Variants in MIA2 observed in about 807,000 individuals in gnomAD.
MIA2 encodes melanoma inhibitory activity protein 2.
MIA2 carries 127 observed loss-of-function variants against 167.8 expected under a neutral mutation model. The ratio of observed to expected loss-of-function variants is 0.76; its 90% confidence interval spans 0.66 to 0.88. The LOEUF (loss-of-function observed/expected upper bound fraction) is 0.88, where lower values mean the gene tolerates loss of function less well. Ranked by LOEUF, MIA2 falls within the 40% of genes least tolerant of loss-of-function variation. The pLI is 0.00. For missense variants in MIA2, 1,690 were observed against 1,624.7 expected (o/e 1.04, Z -0.69); for synonymous variants, 552 against 541.9 (o/e 1.02, Z -0.26).
rs377724739 is a variant in MIA2, at chr14:39,314,317, G to T, written c.3120-422G>T. ...CAGGAGAATCATTTGAACCCTGGAGGTGGAGGTTGCAGTGAGCCGAGATTA... is the reference window on the plus strand; with the variant it reads ...CAGGAGAATCATTTGAACCCTGGAGTTGGAGGTTGCAGTGAGCCGAGATTA... On this transcript the variant is annotated intron_variant, in intron 19 of 28. Coordinates refer to ENST00000640607, the MANE Select transcript of MIA2 (RefSeq NM_001329214.4). Among the ~76,000 whole-genome samples, 7 of 151,736 alleles carry T rather than the reference G, an allele frequency of 4.6e-5. No individual in the cohort carries two copies. In the East Asian group the frequency reaches 1.2e-3, roughly 25 times the overall value.
At chr14:39,323,328 A>G (rs1211914290) in intron 24 of MIA2, among the ~76,000 whole-genome samples, 1 of 151,986 alleles carries the variant, frequency 6.6e-6, no homozygotes, top group East Asian at 1.9e-4. Context: ...AGGGAAAGGG[A>G]CTGCCCTATA....
intron 25 of MIA2, among the ~76,000 whole-genome samples, chr14:39,342,613 A>G (rs894175016): frequency 1.3e-5 from 2 of 152,214 alleles, no homozygotes; most frequent in Non-Finnish European, 2.9e-5. Context: ...GTTGAAACAA[A>G]TTGAGATATT....
intron 12 of MIA2, 79 bp from the exon 13 acceptor site, chr14:39,294,844 CTG>C (rs1468697015): frequency 1.1e-6 from 1 of 919,464 alleles, no homozygotes; most frequent in Non-Finnish European, 1.7e-6. Flanking sequence ...TTGTTTAATT[CTG>C]TGTTCTAGGG....
Position 39,289,149 on chromosome 14 carries a change from G to A in MIA2, c.2131-1870G>A, listed in dbSNP as rs751714263. Among the ~76,000 whole-genome samples, 11 of 152,060 alleles carry A rather than the reference G, an allele frequency of 7.2e-5. 1 individual carries two copies. In the Middle Eastern group the frequency reaches 0.01, roughly 142 times the overall value. On this transcript the variant is annotated intron_variant, in intron 9 of 28. Transcript: ENST00000640607. ...TCAGATTACTTTAATAACAGATTGAGATATTTGGAAGCTGGGCCTCAGTTC... is the reference window on the plus strand; with the variant it reads ...TCAGATTACTTTAATAACAGATTGAAATATTTGGAAGCTGGGCCTCAGTTC...
Position 39,326,979 on chromosome 14 carries a change from AC to A in MIA2, c.3614del (p.Pro1205LeufsTer9). On this transcript the variant is annotated frameshift_variant, in exon 25 of 29. Coordinates refer to ENST00000640607, the MANE Select transcript of MIA2 (RefSeq NM_001329214.4). LOFTEE classifies it high-confidence loss of function. ...RAPSDTGSLSPPWDQDRRMMF... is the reference protein window; with the variant it reads ...RAPSDTGSLSXPWDQDRRMMF... ...CTCCCTCTGACACTGGGTCTCTGTC[AC>A]CTCCATGGGACCAGGACCGTAGGAT... is the stretch of plus-strand genomic sequence containing the variant. The A allele has an allele frequency of 6.3e-7, 1 of 1,577,210 alleles. No individual in the cohort carries two copies. Among genetic ancestry groups the A allele is most frequent in the Non-Finnish European group, 8.6e-7 (1 of 1,164,832 alleles).
chr14:39,275,463 T>C (rs547240719), intron 6 of MIA2, among the ~76,000 whole-genome samples: 1 of 152,330 alleles, frequency 6.6e-6, no homozygotes, highest in African/African-American at 2.4e-5. Flanking sequence ...GAATTTACCA[T>C]GTCCTTTTAG....
At chr14:39,278,825 A>G (rs1470827181) in intron 7 of MIA2, among the ~76,000 whole-genome samples, 2 of 152,214 alleles carry the variant, frequency 1.3e-5, no homozygotes, top group African/African-American at 4.8e-5. Flanking sequence ...AGTCTTTAAT[A>G]TGCTAATTCA....
At chr14:39,361,631 G>A (rs1326033211) in intron 23 of MIA2, among the ~76,000 whole-genome samples, 1 of 151,938 alleles carries the variant, frequency 6.6e-6, no homozygotes, top group African/African-American at 2.4e-5. Context: ...GTAGAAATGG[G>A]GTTTCACCAT....
intron 6 of MIA2, among the ~76,000 whole-genome samples, chr14:39,261,368 T>C (rs1343960724): frequency 6.6e-6 from 1 of 152,202 alleles, no homozygotes; most frequent in Non-Finnish European, 1.5e-5. Context: ...ATGTGCCACA[T>C]TTTCTTAATC....
At position 39,314,806 on chromosome 14, in the gene MIA2, A is replaced by ATGTGTGTGTGTGTGTGTG. The variant is rs539446066; in HGVS notation, c.3180+8_3180+9insGTGTGTGTGTGTGTGTGT. ...TCATTCTTATCAAGGGCAGGTATATATATATGTGTGTGTGTGTGTGTGTGT... is the reference window on the plus strand; with the variant it reads ...TCATTCTTATCAAGGGCAGGTATATATGTGTGTGTGTGTGTGTGTATATGTGTGTGTGTGTGTGTGTGT... On this transcript the variant is annotated splice_region_variant and intron_variant, in intron 20 of 28. Transcript: ENST00000640607. 2.2e-6 allele frequency: 3 copies of ATGTGTGTGTGTGTGTGTG among 1,384,460 alleles called. No individual in the cohort carries two copies. The highest frequency in any genetic ancestry group is 3.0e-6 in the Non-Finnish European group (3 of 1,016,298). 85.8% of individuals were successfully genotyped at this position (1,384,460 alleles called of 1,614,324 possible). A position where few individuals can be genotyped will look rare whatever the true frequency, so the allele number is the denominator to read the frequency against.
At chr14:39,323,196 AC>A (rs2066798879) in intron 24 of MIA2, among the ~76,000 whole-genome samples, 1 of 151,796 alleles carries the variant, frequency 6.6e-6, no homozygotes, top group South Asian at 2.1e-4. Context: ...CTCTTTCTCC[AC>A]CCTCATTTTG....
chr14:39,288,453 A>ATTTTTTTTTTTTTT (rs1566747188), intron 9 of MIA2, among the ~76,000 whole-genome samples: 1 of 13,808 alleles, frequency 7.2e-5, no homozygotes, highest in Non-Finnish European at 1.7e-4. Context: ...ATATATATAT[A>ATTTTTTTTTTTTTT]TATATATATA....
At chr14:39,386,455 CTGA>C in intron 23 of MIA2, 1 of 1,540,472 alleles carries the variant, frequency 6.5e-7, no homozygotes, top group Non-Finnish European at 9.0e-7. Context: ...AACTACATCT[CTGA>C]TTGGCCCAGT....
Position 39,262,390 on chromosome 14 carries a change from C to A in MIA2, c.1887+9219C>A, listed in dbSNP as rs530942444. ...ATTGGTCTATATCTCTGTTTTGGTACCAGTACCATGCTGTTTTGGTTACTG... is the reference window on the plus strand; with the variant it reads ...ATTGGTCTATATCTCTGTTTTGGTAACAGTACCATGCTGTTTTGGTTACTG... On this transcript the variant is annotated intron_variant, in intron 6 of 28. Coordinates refer to ENST00000640607, the MANE Select transcript of MIA2 (RefSeq NM_001329214.4). 2.0e-5 allele frequency among the ~76,000 whole-genome samples: 3 copies of A among 152,264 alleles called. No individual in the cohort carries two copies. The South Asian group carries it at 6.2e-4, about 32-fold the overall frequency.
chr14:39,238,811 A>AAAAAAAAAACAAAACAAAAAAC, intron 2 of MIA2, among the ~76,000 whole-genome samples: 14 of 103,606 alleles, frequency 1.4e-4, no homozygotes, highest in African/African-American at 2.0e-4. Context: ...AAAAAAAAAA[A>AAAAAAAAAACAAAACAAAAAAC]CCCAAAAAAC....
intron 9 of MIA2, among the ~76,000 whole-genome samples, chr14:39,288,478 T>TTG (rs1407160805): frequency 4.1e-4 from 26 of 64,002 alleles, no homozygotes; most frequent in South Asian, 6.8e-4. Flanking sequence ...TATATATATT[T>TTG]TTTTTTTTTT....
chr14:39,303,424 G>C (rs2062835443), intron 15 of MIA2, 54 bp from the exon 16 acceptor site: 1 of 1,299,760 alleles, frequency 7.7e-7, no homozygotes, highest in East Asian at 2.3e-5. Context: ...GATGTCTATT[G>C]TCGTATTGTA....
chr14:39,287,812 C>T (rs560278575), intron 9 of MIA2, among the ~76,000 whole-genome samples: 136 of 152,044 alleles, frequency 8.9e-4, no homozygotes, highest in African/African-American at 2.9e-3. Flanking sequence ...CTGCCCGCCT[C>T]GGCCTCCCAA....
At chr14:39,276,765 CTTGGCGATAGTGATTGAAAG>C in intron 6 of MIA2, 149 bp from the exon 7 acceptor site, 1 of 616,936 alleles carries the variant, frequency 1.6e-6, no homozygotes, top group Non-Finnish European at 2.8e-6. Flanking sequence ...CTGTTCTTTA[CTTGGCGATAGTGATTGAAAG>C]TTGACAAAAA....
Sources: allele counts gnomAD v4.1 joint callset (sites outside exome capture counted in the v4.1 genomes callset), GRCh38; gene constraint gnomAD v4.1.1; transcripts MANE v1.5; gene names NCBI Gene and HGNC (gene_info 2026-07-23, HGNC 2026-07-21).